Variants in NSD2 observed in about 807,000 individuals in gnomAD.
NSD2 encodes the protein nuclear receptor binding SET domain protein 2.
NSD2 carries 12 observed loss-of-function variants against 139.0 expected under a neutral mutation model. The ratio of observed to expected loss-of-function variants is 0.09; its 90% CI spans 0.06 to 0.14. The LOEUF (loss-of-function observed/expected upper bound fraction) is 0.14, where lower values mean the gene tolerates loss of function less well. Among genes scored for constraint, NSD2 ranks in the 10% least tolerant of loss-of-function variants. The pLI is 1.00. For synonymous variants in NSD2, 669 were observed against 648.7 expected (o/e 1.03, Z -0.48); for missense variants, 1,155 against 1,745.0 (o/e 0.66, Z 6.02).
chr4:1,930,308 C>T (rs1276074661), intron 5 of NSD2, among the ~76,000 whole-genome samples: 1 of 152,086 alleles, frequency 6.6e-6, no homozygotes, highest in Non-Finnish European at 1.5e-5. Flanking sequence ...TCAGGGGTGC[C>T]TAGAGGCTGG....
At chr4:1,977,351 G>A (rs1200098804) in intron 21 of NSD2, among the ~76,000 whole-genome samples, 2 of 152,226 alleles carry the variant, frequency 1.3e-5, no homozygotes, top group East Asian at 1.9e-4. Flanking sequence ...TGACTCTGGC[G>A]GTGCGCAGAC....
chr4:1,918,721 C>G (rs989331175), intron 5 of NSD2, 98 bp downstream of exon 5: 2 of 1,467,924 alleles, frequency 1.4e-6, no homozygotes, highest in African/African-American at 1.4e-5. Flanking sequence ...TCAGGAGACT[C>G]TAACATGAGC....
chr4:1,952,047 G>A, intron 10 of NSD2, 61 bp from the exon 11 acceptor site: 1 of 1,569,162 alleles, frequency 6.4e-7, no homozygotes, highest in Non-Finnish European at 8.7e-7. Context: ...GGCTTCCCTT[G>A]TGGTAAGAGG....
At chr4:1,937,105 G>A (rs1007328722) in intron 7 of NSD2, among the ~76,000 whole-genome samples, 2 of 151,846 alleles carry the variant, frequency 1.3e-5, no homozygotes, top group African/African-American at 4.8e-5. Flanking sequence ...AGGCTGGAGT[G>A]CAGTGGTGCA....
chr4:1,878,251 ATTTTTTTTTT>A (rs71589624), intron 1 of NSD2, among the ~76,000 whole-genome samples: 36 of 29,260 alleles, frequency 1.2e-3, no homozygotes, highest in African/African-American at 3.1e-3. Context: ...ATATATATAT[ATTTTTTTTTT>A]TTTTTTTTTT....
intron 1 of NSD2, among the ~76,000 whole-genome samples, chr4:1,877,240 G>A (rs993494990): frequency 5.9e-5 from 9 of 152,154 alleles, no homozygotes; most frequent in African/African-American, 2.2e-4. Context: ...ATATTATGGA[G>A]GCTAATGATC....
chr4:1,978,389 A>G (rs2109032286), intron 21 of NSD2, among the ~76,000 whole-genome samples: 1 of 152,264 alleles, frequency 6.6e-6, no homozygotes, highest in East Asian at 1.9e-4. Context: ...AGCTCCTCTC[A>G]GTTGCCGAAA....
At chr4:1,915,457 CTT>C (rs200043274) in intron 3 of NSD2, among the ~76,000 whole-genome samples, 9 of 152,240 alleles carry the variant, frequency 5.9e-5, no homozygotes, top group East Asian at 5.8e-4. Flanking sequence ...TCAAATATCT[CTT>C]TGTTTTTCTG....
In NSD2 at chr4:1,975,331, G is replaced by A. The variant is rs1336536302; in HGVS notation, c.3552G>A (p.Leu1184=). The A allele has an allele frequency of 6.2e-7, 1 of 1,614,148 alleles. No individual in the cohort carries two copies. Among genetic ancestry groups the A allele is most frequent in the Non-Finnish European group, 8.5e-7 (1 of 1,180,032 alleles). The change falls in exon 20 of 22, where the codon CTG becomes CTA. Residue 1184 remains leucine, a synonymous_variant. Coordinates refer to ENST00000508803, the MANE Select transcript of NSD2 (RefSeq NM_001042424.3). ...ELTFNYNLDC[L]GNEKTVCRCG... Reference sequence around the variant, plus strand: ...CTTTTAACTACAACCTCGATTGTCTGGGCAATGAAAAAACGGTCTGCCGGT... The same window carrying A: ...CTTTTAACTACAACCTCGATTGTCTAGGCAATGAAAAAACGGTCTGCCGGT...
Position 1,900,727 on chromosome 4 carries a change from C to A in NSD2, c.73C>A (p.Pro25Thr), listed in dbSNP as rs546312898. Reference sequence around the variant, plus strand: ...AAAGTGCATAAAGATGAAGCAGGCACCAGAAATCCTCGGCAGTGCCAACGG... The same window carrying A: ...AAAGTGCATAAAGATGAAGCAGGCAACAGAAATCCTCGGCAGTGCCAACGG... ...VVKCIKMKQA[P>T]EILGSANGKT... The change falls in exon 2 of 22, where the codon CCA (proline) becomes ACA (threonine). Residue 25 changes from proline (P) to threonine (T), a missense_variant. Physicochemically the swap from Pro to Thr is conservative, Grantham distance 38. This residue lies in a region of NSD2 where 246 missense variants were observed against 262.8 expected (regional missense o/e 0.94). Transcript: ENST00000508803. 6.2e-7 allele frequency: 1 copy of A among 1,613,920 alleles called. No individual in the cohort carries two copies. Among genetic ancestry groups the A allele is most frequent in the African/African-American group, 1.3e-5 (1 of 74,984 alleles).
chr4:1,916,066 A>AC (rs1480639733), intron 3 of NSD2, among the ~76,000 whole-genome samples: 1 of 152,146 alleles, frequency 6.6e-6, no homozygotes, highest in East Asian at 1.9e-4. Context: ...TAAGAGTAAG[A>AC]CTAGTGGGCA....
chr4:1,933,040 A>T (rs1343409008), intron 6 of NSD2, among the ~76,000 whole-genome samples: 25 of 152,192 alleles, frequency 1.6e-4, no homozygotes, highest in Admixed American at 1.6e-3. Flanking sequence ...CGAGCATTCC[A>T]CGGGCTTCTT....
intron 3 of NSD2, among the ~76,000 whole-genome samples, chr4:1,915,505 G>T (rs1719268502): frequency 6.6e-6 from 1 of 152,082 alleles, no homozygotes; most frequent in African/African-American, 2.4e-5. Flanking sequence ...TTTCTCTGTT[G>T]GGTATCTTCT....
At chr4:1,881,179 A>G (rs557660677) in intron 1 of NSD2, among the ~76,000 whole-genome samples, 1 of 152,176 alleles carries the variant, frequency 6.6e-6, no homozygotes, top group Admixed American at 6.5e-5. Flanking sequence ...CCGGACTCAA[A>G]TGGTCCTCCC....
chr4:1,928,658 G>C (rs1198353209), intron 5 of NSD2, among the ~76,000 whole-genome samples: 1 of 152,104 alleles, frequency 6.6e-6, no homozygotes, highest in Non-Finnish European at 1.5e-5. Context: ...TTGTGACTCT[G>C]CTTTGACGAA....
At chr4:1,963,854 GA>G (rs1257849710) in intron 18 of NSD2, among the ~76,000 whole-genome samples, 1 of 151,952 alleles carries the variant, frequency 6.6e-6, no homozygotes, top group Non-Finnish European at 1.5e-5. Context: ...CTACAAAAAA[GA>G]AAAAAAATTA....
chr4:1,926,336 G>A (rs1300111994), intron 5 of NSD2, among the ~76,000 whole-genome samples: 1 of 151,218 alleles, frequency 6.6e-6, no homozygotes, highest in Non-Finnish European at 1.5e-5. Flanking sequence ...TGTATTTTTA[G>A]TAGAGCCAGG....
chr4:1,956,171 G>A lies in NSD2; in HGVS notation c.2864G>A (p.Gly955Glu). 6.2e-7 allele frequency: 1 copy of A among 1,609,492 alleles called. No homozygotes were observed. The highest frequency in any genetic ancestry group is 8.5e-7 in the Non-Finnish European group (1 of 1,177,352). ...CGCTACCAGGGGGTCAGAGGGATCG[G>A]AAGAGTCTTCAAAAACGGTACGGAG... ...GSRYQGVRGI[G>E]RVFKNALQEA... Residue 955 changes from glycine to glutamate, a missense_variant, in exon 15 of 22, where the codon GGA (glycine) becomes GAA (glutamate). Around this residue, in one of 8 missense-constraint regions of NSD2, gnomAD observed 139 missense variants for 485.8 expected, o/e 0.29. Coordinates refer to ENST00000508803, the MANE Select transcript of NSD2 (RefSeq NM_001042424.3). The surrounding 1 kb of genome is among the most constrained non-coding windows in gnomAD (Gnocchi z 5.3).
chr4:1,964,383 G>A (rs1213974913), intron 18 of NSD2, among the ~76,000 whole-genome samples: 1 of 152,162 alleles, frequency 6.6e-6, no homozygotes, highest in Non-Finnish European at 1.5e-5. Context: ...GGAAGCTACT[G>A]AAGGCTTGCA....
Sources: gnomAD v4.1 joint callset for allele counts (sites outside exome capture counted in the v4.1 genomes callset) on GRCh38, gnomAD v4.1.1 for gene constraint, gnomAD v4.1.1 regional missense constraint, Gnocchi (gnomAD v3.1) non-coding constraint, MANE v1.5 for transcripts, NCBI Gene and HGNC (gene_info 2026-07-23, HGNC 2026-07-21) for gene names.